Variants in DPYD observed in about 807,000 individuals in gnomAD.
DPYD encodes dihydropyrimidine dehydrogenase.
Under a neutral mutation model 116.2 loss-of-function variants are expected in DPYD, and 109 were observed. The observed-to-expected ratio is 0.94, with a 90% CI of 0.80 to 1.10. DPYD has a LOEUF of 1.10. Ranked by LOEUF, DPYD falls within the 50% of genes least tolerant of loss-of-function variation. The pLI is 0.00. For synonymous variants in DPYD, 440 were observed against 432.0 expected (o/e 1.02, Z -0.23); for missense variants, 1,302 against 1,254.5 (o/e 1.04, Z -0.57).
At chr1:97,529,788 TCTTTTTTCC>T (rs1649454340) in intron 12 of DPYD, among the ~76,000 whole-genome samples, 1 of 138,304 alleles carries the variant, frequency 7.2e-6, no homozygotes, top group Admixed American at 6.8e-5. Context: ...TTTCTCTTTT[TCTTTTTTCC>T]CTTTTTCTTT....
chr1:97,590,695 A>T (rs1654445265), intron 10 of DPYD, among the ~76,000 whole-genome samples: 1 of 152,188 alleles, frequency 6.6e-6, no homozygotes, highest in Admixed American at 6.5e-5. Flanking sequence ...TTGCTTCTCA[A>T]CACTTTGGTA....
At chr1:97,440,612 G>C (rs1675727185) in intron 14 of DPYD, among the ~76,000 whole-genome samples, 1 of 152,106 alleles carries the variant, frequency 6.6e-6, no homozygotes, top group Non-Finnish European at 1.5e-5. Context: ...AAAGGTGTTA[G>C]AACCCTAGAG....
At position 97,181,691 on chromosome 1, in the gene DPYD, T is replaced by C. The variant is rs565469901; in HGVS notation, c.2622+11378A>G. Among the ~76,000 whole-genome samples, 210 of 152,274 alleles carry C rather than the reference T, an allele frequency of 1.4e-3. 1 individual carries two copies. The highest frequency in any genetic ancestry group is 4.7e-3 in the African/African-American group (197 of 41,576). On this transcript the variant is annotated intron_variant, in intron 20 of 22. Transcript: ENST00000370192. ...ACAAAGCAGAGAAGGAATCAACTCA[T>C]AAAGTATTGCTCAAATGTTTCTATC...
chr1:97,710,248 T>C (rs186306897), intron 5 of DPYD, among the ~76,000 whole-genome samples: 121 of 151,954 alleles, frequency 8.0e-4, no homozygotes, highest in African/African-American at 2.7e-3. Flanking sequence ...GAAATTGCTA[T>C]TTGTGCATCC....
intron 3 of DPYD, among the ~76,000 whole-genome samples, chr1:97,776,473 T>A (rs1198439030): frequency 1.3e-5 from 2 of 152,206 alleles, no homozygotes; most frequent in South Asian, 4.1e-4. Flanking sequence ...CTACCAGGGT[T>A]CATCTGTATC....
intron 2 of DPYD, among the ~76,000 whole-genome samples, chr1:97,836,740 T>C (rs547608126): frequency 6.0e-4 from 92 of 152,192 alleles, no homozygotes; most frequent in African/African-American, 2.0e-3. Context: ...ATCTTTGGTG[T>C]ATCATGAATT....
intron 20 of DPYD, among the ~76,000 whole-genome samples, chr1:97,153,096 T>C (rs1024922717): frequency 1.3e-5 from 2 of 152,188 alleles, no homozygotes; most frequent in African/African-American, 4.8e-5. Flanking sequence ...TTTCATCTAG[T>C]AGAGGCATTC....
chr1:97,240,459 G>T (rs1662257423), intron 18 of DPYD, among the ~76,000 whole-genome samples: 1 of 151,840 alleles, frequency 6.6e-6, no homozygotes, highest in Non-Finnish European at 1.5e-5. Flanking sequence ...CTAATCATTT[G>T]ACTCCTCTAG....
chr1:97,737,920 A>C (rs1426572934), intron 4 of DPYD, among the ~76,000 whole-genome samples: 1 of 152,180 alleles, frequency 6.6e-6, no homozygotes, highest in Non-Finnish European at 1.5e-5. Context: ...CACAAAGAAA[A>C]ACTTTTCTTT....
intron 12 of DPYD, among the ~76,000 whole-genome samples, chr1:97,518,595 C>G (rs1158928553): frequency 6.6e-6 from 1 of 152,102 alleles, no homozygotes; most frequent in East Asian, 1.9e-4. Context: ...GATGTAGATG[C>G]TTTGCTCTTA....
chr1:97,498,043 A>C (rs1679366654), intron 13 of DPYD, among the ~76,000 whole-genome samples: 1 of 151,870 alleles, frequency 6.6e-6, no homozygotes, highest in Non-Finnish European at 1.5e-5. Context: ...TATACTAAAT[A>C]CATAAAAGAA....
intron 13 of DPYD, among the ~76,000 whole-genome samples, chr1:97,501,846 T>C: frequency 1.3e-5 from 2 of 152,156 alleles, no homozygotes; most frequent in African/African-American, 4.8e-5. Context: ...AATGTTTACA[T>C]TAACACTTTA....
At chr1:97,326,198 T>C (rs1031490084) in intron 16 of DPYD, among the ~76,000 whole-genome samples, 1 of 151,930 alleles carries the variant, frequency 6.6e-6, no homozygotes, top group South Asian at 2.1e-4. Context: ...TTTAAAATTT[T>C]GCAGATTTCA....
chr1:97,452,797 A>T (rs535908561), intron 13 of DPYD, among the ~76,000 whole-genome samples: 1 of 152,026 alleles, frequency 6.6e-6, no homozygotes, highest in East Asian at 1.9e-4. Flanking sequence ...TTCTGCCTTG[A>T]TTGGAAGCTT....
chr1:97,823,347 G>A (rs1024782221), intron 3 of DPYD, among the ~76,000 whole-genome samples: 1 of 151,906 alleles, frequency 6.6e-6, no homozygotes, highest in Admixed American at 6.6e-5. Context: ...GTAGAGACGG[G>A]GTTTCACCGT....
Position 97,306,177 on chromosome 1 carries a change from C to T in DPYD, c.2179G>A (p.Gly727Ser), listed in dbSNP as rs967798135. 1.1e-5 allele frequency: 17 copies of T among 1,612,370 alleles called. No individual in the cohort carries two copies. The highest frequency in any genetic ancestry group is 1.4e-5 in the Non-Finnish European group (17 of 1,178,782). The change falls in exon 17 of 23, where the codon GGT becomes AGT. Residue 727 changes from glycine (G) to serine (S), a missense_variant and splice_region_variant. Coordinates refer to ENST00000370192, the MANE Select transcript of DPYD (RefSeq NM_000110.4). ...CAACTGATTCAAGTCAAGTTCTTAC[C>T]TTCCTTTGCAGCTCTTGCGATGCTC... The part of the protein sequence containing the change: ...IVSIARAAKE[G>S]GANGVTATNT...
intron 20 of DPYD, among the ~76,000 whole-genome samples, chr1:97,142,556 C>T (rs1010117760): frequency 7.9e-5 from 12 of 152,204 alleles, no homozygotes; most frequent in East Asian, 7.7e-4. Flanking sequence ...AGCATATCTC[C>T]GTCAGATTTC....
intron 2 of DPYD, among the ~76,000 whole-genome samples, chr1:97,865,561 C>G (rs1323516266): frequency 6.6e-5 from 10 of 151,932 alleles, no homozygotes; most frequent in African/African-American, 2.4e-4. Context: ...ATTAACCACA[C>G]AGTTCCATTC....
At chr1:97,556,712 T>A (rs947287334) in intron 11 of DPYD, among the ~76,000 whole-genome samples, 18 of 149,836 alleles carry the variant, frequency 1.2e-4, no homozygotes, top group Non-Finnish European at 2.7e-4. Context: ...TGCATAGTAT[T>A]CCATGGTGTA....
Sources: allele counts gnomAD v4.1 joint callset (sites outside exome capture counted in the v4.1 genomes callset), GRCh38; gene constraint gnomAD v4.1.1; transcripts MANE v1.5; gene names NCBI Gene and HGNC (gene_info 2026-07-23, HGNC 2026-07-21).